ENTREP2: variants seen among roughly 807,000 people sequenced by gnomAD.
ENTREP2 encodes protein ENTREP2.
At chr15:29,647,098 T>C in the ENTREP2 span, among the ~76,000 whole-genome samples, 7 of 152,224 alleles carry the variant, frequency 4.6e-5, no homozygotes, top group Non-Finnish European at 1.5e-5. Flanking sequence ...AGCATGCTAT[T>C]TCTACACTTG....
At chr15:29,218,694 A>C in the ENTREP2 span, among the ~76,000 whole-genome samples, 1 of 152,214 alleles carries the variant, frequency 6.6e-6, no homozygotes, top group African/African-American at 2.4e-5. Context: ...TCGACAAAGC[A>C]AACAAAAACA....
the ENTREP2 span, among the ~76,000 whole-genome samples, chr15:29,337,425 C>A: frequency 6.6e-6 from 1 of 152,142 alleles, no homozygotes; most frequent in Non-Finnish European, 1.5e-5. Flanking sequence ...GTAGACATTC[C>A]CCTACTGATT....
chr15:29,545,628 CT>C, the ENTREP2 span, among the ~76,000 whole-genome samples: 1 of 152,212 alleles, frequency 6.6e-6, no homozygotes, highest in East Asian at 1.9e-4. Context: ...CATGACTAGT[CT>C]TTTGCTGCAG....
At chr15:29,352,142 T>C in the ENTREP2 span, among the ~76,000 whole-genome samples, 1 of 152,062 alleles carries the variant, frequency 6.6e-6, no homozygotes, top group Non-Finnish European at 1.5e-5. Flanking sequence ...ACTATGTTGC[T>C]CGGGCTGGAC....
chr15:29,379,996 G>A, the ENTREP2 span, among the ~76,000 whole-genome samples: 1 of 150,452 alleles, frequency 6.6e-6, no homozygotes, highest in African/African-American at 2.4e-5. Context: ...CAACCCCACA[G>A]TCAGCCTATT....
At chr15:29,207,084 T>G in the ENTREP2 span, among the ~76,000 whole-genome samples, 1 of 152,104 alleles carries the variant, frequency 6.6e-6, no homozygotes, top group African/African-American at 2.4e-5. Context: ...AGCAGTGCCC[T>G]CAGCCAGCCC....
At chr15:29,435,932 C>T in the ENTREP2 span, among the ~76,000 whole-genome samples, 1 of 152,012 alleles carries the variant, frequency 6.6e-6, no homozygotes, top group South Asian at 2.1e-4. Flanking sequence ...CAGCAGAGCA[C>T]AGGCATCTAC....
chr15:29,349,417 T>C, the ENTREP2 span, among the ~76,000 whole-genome samples: 2 of 152,154 alleles, frequency 1.3e-5, no homozygotes, highest in African/African-American at 2.4e-5. Flanking sequence ...CATGAATAAA[T>C]GAATTTTGGC....
the ENTREP2 span, among the ~76,000 whole-genome samples, chr15:29,152,423 C>A: frequency 6.6e-6 from 1 of 152,192 alleles, no homozygotes. Context: ...TTTCCCTGCT[C>A]CCCATTTAAC....
the ENTREP2 span, among the ~76,000 whole-genome samples, chr15:29,321,923 C>T: frequency 6.6e-6 from 1 of 151,838 alleles, no homozygotes; most frequent in African/African-American, 2.4e-5. Context: ...ACCACTATGG[C>T]ACACGTTTAC....
chr15:29,296,587 G>C, the ENTREP2 span, among the ~76,000 whole-genome samples: 1 of 152,142 alleles, frequency 6.6e-6, no homozygotes, highest in Middle Eastern at 3.2e-3. Flanking sequence ...CATAAAACTT[G>C]ATGTTTTTTA....
the ENTREP2 span, among the ~76,000 whole-genome samples, chr15:29,224,004 G>T: frequency 5.9e-5 from 9 of 152,184 alleles, no homozygotes; most frequent in Non-Finnish European, 8.8e-5. Context: ...CAGAATTGAT[G>T]GGTTCTTGGT....
chr15:29,467,885 G>A, the ENTREP2 span, among the ~76,000 whole-genome samples: 2 of 152,076 alleles, frequency 1.3e-5, no homozygotes, highest in Non-Finnish European at 2.9e-5. Flanking sequence ...GCCCTTCTCT[G>A]TTATCCACTG....
chr15:29,284,962 T>A, the ENTREP2 span, among the ~76,000 whole-genome samples: 1 of 152,184 alleles, frequency 6.6e-6, no homozygotes, highest in African/African-American at 2.4e-5. Flanking sequence ...TTTAGTTAGA[T>A]CCTAGCCCCA....
At chr15:29,455,442 A>G in the ENTREP2 span, among the ~76,000 whole-genome samples, 1 of 152,232 alleles carries the variant, frequency 6.6e-6, no homozygotes. Context: ...AGCTGCCATT[A>G]TTACTACTAT....
At chr15:29,502,594 C>T in the ENTREP2 span, among the ~76,000 whole-genome samples, 1 of 151,838 alleles carries the variant, frequency 6.6e-6, no homozygotes, top group Non-Finnish European at 1.5e-5. Flanking sequence ...ATGAATTGAA[C>T]CTCATCGATA....
the ENTREP2 span, among the ~76,000 whole-genome samples, chr15:29,606,330 G>C: frequency 0.034 from 5,204 of 151,182 alleles, 309 homozygotes; most frequent in African/African-American, 0.12. Flanking sequence ...CACCTCCTGG[G>C]TTCAAGTGAT....
At chr15:29,616,794 G>T in the ENTREP2 span, among the ~76,000 whole-genome samples, 1 of 152,136 alleles carries the variant, frequency 6.6e-6, no homozygotes, top group Admixed American at 6.6e-5. Context: ...AAATTTAGGG[G>T]CTGGGCATGG....
chr15:29,446,088 G>A, the ENTREP2 span, among the ~76,000 whole-genome samples: 2 of 152,164 alleles, frequency 1.3e-5, no homozygotes, highest in African/African-American at 4.8e-5. Context: ...GAGCTAGTTC[G>A]CCCCTTCCAC....
Sources: allele counts gnomAD v4.1 joint callset (sites outside exome capture counted in the v4.1 genomes callset), GRCh38; gene constraint gnomAD v4.1.1; transcripts MANE v1.5; gene names NCBI Gene and HGNC (gene_info 2026-07-23, HGNC 2026-07-21).